The following ITGA9 variants were observed in gnomAD, a reference collection of about 807,000 sequenced individuals.
ITGA9 encodes integrin subunit alpha 9.
In ITGA9, 56 loss-of-function variants were observed where a neutral mutation model predicts 127.8. The ratio of observed to expected loss-of-function variants is 0.44; its 90% CI spans 0.35 to 0.55. ITGA9 has a LOEUF of 0.55. Ranked by LOEUF, ITGA9 falls within the 20% of genes least tolerant of loss-of-function variation. ITGA9 has a pLI of 0.00. For synonymous variants in ITGA9, 508 were observed against 514.5 expected (o/e 0.99, Z 0.17); for missense variants, 1,196 against 1,347.1 (o/e 0.89, Z 1.76).
At chr3:37,604,705 G>A (rs10510695) in intron 15 of ITGA9, among the ~76,000 whole-genome samples, 26,180 of 152,200 alleles carry the variant, frequency 0.17, 2,371 homozygotes, top group Middle Eastern at 0.24. Context: ...AAAGGATGTA[G>A]TTTTTGGCAG....
At chr3:37,623,610 T>C (rs984303717) in intron 15 of ITGA9, among the ~76,000 whole-genome samples, 3 of 152,184 alleles carry the variant, frequency 2.0e-5, no homozygotes, top group Non-Finnish European at 2.9e-5. Flanking sequence ...TTAATTTTTT[T>C]AAATGAACCT....
At chr3:37,736,756 C>G (rs1034729922) in intron 19 of ITGA9, 148 bp from the exon 20 acceptor site, 35 of 701,304 alleles carry the variant, frequency 5.0e-5, no homozygotes, top group Middle Eastern at 3.6e-4. Flanking sequence ...AAAGCTGTGA[C>G]TTTGGCCTGA....
intron 26 of ITGA9, chr3:37,790,510 G>C: frequency 3.4e-6 from 1 of 297,350 alleles, no homozygotes; most frequent in Non-Finnish European, 6.6e-6. Flanking sequence ...AGCCTCCAGG[G>C]CGTCTGGAGC....
At chr3:37,655,648 G>T (rs1053303981) in intron 17 of ITGA9, among the ~76,000 whole-genome samples, 1 of 152,140 alleles carries the variant, frequency 6.6e-6, no homozygotes, top group African/African-American at 2.4e-5. Flanking sequence ...TAGGTTGCCT[G>T]TTCACTCTGA....
intron 15 of ITGA9, among the ~76,000 whole-genome samples, chr3:37,579,808 G>T (rs575515386): frequency 6.6e-6 from 1 of 152,086 alleles, no homozygotes; most frequent in East Asian, 1.9e-4. Flanking sequence ...CAAGCCAGGG[G>T]CCCACATGTT....
At chr3:37,642,598 G>A (rs1278436230) in intron 16 of ITGA9, among the ~76,000 whole-genome samples, 1 of 152,218 alleles carries the variant, frequency 6.6e-6, no homozygotes, top group East Asian at 1.9e-4. Context: ...CATGATGTGT[G>A]ATTTGCAGTG....
chr3:37,509,578 C>T (rs1163108818), intron 8 of ITGA9, among the ~76,000 whole-genome samples: 1 of 152,076 alleles, frequency 6.6e-6, no homozygotes, highest in African/African-American at 2.4e-5. Context: ...ATGTTGTTCT[C>T]CCATTCAAGT....
At chr3:37,531,379 A>G (rs1228930744) in intron 13 of ITGA9, among the ~76,000 whole-genome samples, 2 of 152,210 alleles carry the variant, frequency 1.3e-5, no homozygotes, top group Non-Finnish European at 2.9e-5. Flanking sequence ...AAAAAGGTTG[A>G]AGGGAACTGA....
chr3:37,613,108 C>G (rs6789233), intron 15 of ITGA9, among the ~76,000 whole-genome samples: 9,406 of 150,622 alleles, frequency 0.062, 971 homozygotes, highest in African/African-American at 0.22. Flanking sequence ...TGCTATCCCT[C>G]CCCCAGCCCC....
At chr3:37,594,923 T>C (rs1028483907) in intron 15 of ITGA9, among the ~76,000 whole-genome samples, 1 of 152,102 alleles carries the variant, frequency 6.6e-6, no homozygotes, top group African/African-American at 2.4e-5. Flanking sequence ...CCCAAGTAGC[T>C]GGGACTACAG....
rs140644486 is a variant in ITGA9 at position 37,565,543 on chromosome 3, T to C, written c.1689+22958T>C. ...GTGGCATAGAATCACCTGAAGGGCT[T>C]GTTTAAACAGATCATGGGTGGTGGG... On this transcript the variant is annotated intron_variant, in intron 15 of 27. Coordinates refer to ENST00000264741, the MANE Select transcript of ITGA9 (RefSeq NM_002207.3). Among the ~76,000 whole-genome samples, 145 of 152,354 alleles carry C rather than the reference T, an allele frequency of 9.5e-4. 1 individual carries two copies. In the East Asian group the frequency reaches 0.01, roughly 11 times the overall value.
intron 17 of ITGA9, among the ~76,000 whole-genome samples, chr3:37,655,513 C>G (rs1247726725): frequency 6.6e-6 from 1 of 152,182 alleles, no homozygotes; most frequent in Non-Finnish European, 1.5e-5. Flanking sequence ...AGTGTCTGTT[C>G]ATATCTTTCG....
chr3:37,694,960 G>C (rs529846623), intron 18 of ITGA9, among the ~76,000 whole-genome samples: 1 of 152,202 alleles, frequency 6.6e-6, no homozygotes, highest in Non-Finnish European at 1.5e-5. Flanking sequence ...ATGTGTTTCC[G>C]GGGGAAGACA....
intron 23 of ITGA9, among the ~76,000 whole-genome samples, chr3:37,777,170 A>G (rs901400784): frequency 6.6e-6 from 1 of 152,158 alleles, no homozygotes; most frequent in East Asian, 1.9e-4. Flanking sequence ...ATGCCATCTC[A>G]TCAATTATTG....
At chr3:37,755,892 A>C (rs1361345174) in intron 23 of ITGA9, among the ~76,000 whole-genome samples, 3 of 151,650 alleles carry the variant, frequency 2.0e-5, no homozygotes, top group Non-Finnish European at 4.4e-5. Context: ...TAAGGGCAAC[A>C]AAAAACAATG....
intron 17 of ITGA9, among the ~76,000 whole-genome samples, chr3:37,654,324 T>A (rs916146382): frequency 3.9e-5 from 6 of 152,104 alleles, no homozygotes; most frequent in African/African-American, 1.2e-4. Context: ...GATAGTCTCC[T>A]TATTGTTTCA....
Position 37,822,524 on chromosome 3 carries a change from G to A in ITGA9, c.*3535G>A, listed in dbSNP as rs1234157299. On this transcript the variant is annotated 3_prime_UTR_variant, in exon 28 of 28. Coordinates refer to ENST00000264741, the MANE Select transcript of ITGA9 (RefSeq NM_002207.3). ...CTCAGCACTGAGGTTTCCTCAGGCA[G>A]TTCTTTAGGAAAACTGTCAGCATCA... is the stretch of plus-strand genomic sequence containing the variant. 6.6e-6 allele frequency: 1 copy of A among 152,198 alleles called. No homozygotes were observed. Among genetic ancestry groups the A allele is most frequent in the African/African-American group, 2.4e-5 (1 of 41,444 alleles). 9.4% of individuals were successfully genotyped at this position (152,198 alleles called of 1,614,324 possible).
At chr3:37,495,005 G>C (rs1426047430) in intron 5 of ITGA9, among the ~76,000 whole-genome samples, 1 of 152,120 alleles carries the variant, frequency 6.6e-6, no homozygotes, top group Admixed American at 6.5e-5. Flanking sequence ...ACAGAGTCTT[G>C]CTATGTCACT....
intron 26 of ITGA9, among the ~76,000 whole-genome samples, chr3:37,797,286 T>C (rs1474365174): frequency 6.6e-6 from 1 of 152,076 alleles, no homozygotes; most frequent in Non-Finnish European, 1.5e-5. Flanking sequence ...ATAGTATAGG[T>C]TGAGGCTATA....
Sources: allele counts gnomAD v4.1 joint callset (sites outside exome capture counted in the v4.1 genomes callset), GRCh38; gene constraint gnomAD v4.1.1; transcripts MANE v1.5; gene names NCBI Gene and HGNC (gene_info 2026-07-23, HGNC 2026-07-21).